Variants in CDH11 observed in about 807,000 individuals in gnomAD.
The protein encoded by CDH11 is cadherin 11.
Under a neutral mutation model 67.8 loss-of-function variants are expected in CDH11, and 11 were observed. That is an observed-to-expected ratio of 0.16 (90% confidence interval 0.10 to 0.27). The LOEUF (loss-of-function observed/expected upper bound fraction) is 0.27. Among genes scored for constraint, CDH11 ranks in the 10% least tolerant of loss-of-function variants. CDH11 has a pLI of 1.00. For synonymous variants in CDH11, 419 were observed against 400.0 expected, an observed-to-expected ratio of 1.05 and a Z score of -0.57; for missense variants, 847 against 1,031.2, an observed-to-expected ratio of 0.82 and a Z score of 2.45.
intron 2 of CDH11, among the ~76,000 whole-genome samples, chr16:65,046,669 T>G (rs1421621705): frequency 2.0e-5 from 3 of 152,226 alleles, no homozygotes; most frequent in Non-Finnish European, 4.4e-5. Flanking sequence ...TAAAATTCAG[T>G]GTCTCCTGAT....
intron 11 of CDH11, among the ~76,000 whole-genome samples, chr16:64,961,439 T>C (rs1335008213): frequency 2.0e-5 from 3 of 152,198 alleles, no homozygotes; most frequent in African/African-American, 7.2e-5. Context: ...TGGCCCATTG[T>C]AAAGCTTGTA....
At chr16:65,115,263 A>G (rs2075223064) in intron 1 of CDH11, among the ~76,000 whole-genome samples, 3 of 152,152 alleles carry the variant, frequency 2.0e-5, no homozygotes. Context: ...TCAAATCCCA[A>G]CTGCCTCTTG....
chr16:64,959,145 C>T (rs2071603317), intron 11 of CDH11, among the ~76,000 whole-genome samples: 1 of 152,130 alleles, frequency 6.6e-6, no homozygotes, highest in African/African-American at 2.4e-5. Context: ...CAATTATTGC[C>T]TTTTGTACTG....
In CDH11 at chr16:64,950,867, G is replaced by T. The variant is rs563299959; in HGVS notation, c.1794C>A (p.Asn598Lys). ...CTGCGTTGCAGGAGAGCAGTGCCCCGTTCACGTCGCACCCGCAGACTTTGA... is the reference window on the plus strand; with the variant it reads ...CTGCGTTGCAGGAGAGCAGTGCCCCTTTCACGTCGCACCCGCAGACTTTGA... ...LTIKVCGCDV[N>K]GALLSCNAEA... Residue 598 changes from asparagine to lysine, a missense_variant, in exon 12 of 13, where the codon AAC (asparagine) becomes AAA (lysine). By Grantham distance (94) the Asn-to-Lys change is moderately conservative. Transcript: ENST00000268603. 6.2e-7 allele frequency: 1 copy of T among 1,614,196 alleles called. No individual in the cohort carries two copies. Among genetic ancestry groups the T allele is most frequent in the Non-Finnish European group, 8.5e-7 (1 of 1,180,028 alleles).
At chr16:65,083,364 G>A (rs1243660414) in intron 1 of CDH11, among the ~76,000 whole-genome samples, 2 of 152,238 alleles carry the variant, frequency 1.3e-5, no homozygotes, top group East Asian at 3.9e-4. Context: ...TATTATGCCT[G>A]ACATGGTAAG....
intron 1 of CDH11, among the ~76,000 whole-genome samples, chr16:65,117,030 G>C (rs961273795): frequency 1.3e-5 from 2 of 152,158 alleles, no homozygotes; most frequent in African/African-American, 4.8e-5. Flanking sequence ...TTTGCCTCCA[G>C]TTCAAACAAT....
chr16:64,993,748 C>T (rs984958055), intron 4 of CDH11, among the ~76,000 whole-genome samples: 12 of 152,198 alleles, frequency 7.9e-5, no homozygotes, highest in African/African-American at 4.8e-5. Context: ...TAAAAACAAC[C>T]TTTGTTCCTG....
chr16:65,033,511 C>G (rs558278390), intron 2 of CDH11, among the ~76,000 whole-genome samples: 1 of 151,878 alleles, frequency 6.6e-6, no homozygotes, highest in Non-Finnish European at 1.5e-5. Context: ...GAGGCTGAGA[C>G]GGGTGGATCA....
intron 3 of CDH11, among the ~76,000 whole-genome samples, 194 bp downstream of exon 3, chr16:65,004,448 A>G (rs1315513949): frequency 6.6e-6 from 1 of 152,214 alleles, no homozygotes; most frequent in Non-Finnish European, 1.5e-5. Context: ...TATTCTCAAC[A>G]TGGATAAGTC....
intron 1 of CDH11, among the ~76,000 whole-genome samples, chr16:65,094,430 CACACACACACAT>C (rs2074848579): frequency 6.6e-6 from 1 of 151,950 alleles, no homozygotes; most frequent in Non-Finnish European, 1.5e-5. Flanking sequence ...GAAAACTACA[CACACACACACAT>C]ACACACACAC....
chr16:65,035,581 G>A (rs76904326), intron 2 of CDH11, among the ~76,000 whole-genome samples: 1,810 of 152,270 alleles, frequency 0.012, 19 homozygotes, highest in Non-Finnish European at 0.019. Context: ...AGGCATAAAT[G>A]CTTTTTGAAT....
intron 2 of CDH11, among the ~76,000 whole-genome samples, chr16:65,052,698 A>G (rs2074078098): frequency 6.6e-6 from 1 of 152,226 alleles, no homozygotes; most frequent in Admixed American, 6.5e-5. Context: ...AACATTGTTC[A>G]GGATATACAT....
At chr16:65,083,934 T>C (rs1478891472) in intron 1 of CDH11, among the ~76,000 whole-genome samples, 1 of 152,184 alleles carries the variant, frequency 6.6e-6, no homozygotes, top group Non-Finnish European at 1.5e-5. Flanking sequence ...GCAATTTTAT[T>C]TTCCAGGAGA....
chr16:64,976,916 G>C (rs2072189700), intron 8 of CDH11, among the ~76,000 whole-genome samples: 1 of 151,530 alleles, frequency 6.6e-6, no homozygotes, highest in African/African-American at 2.4e-5. Context: ...GAATAGACTA[G>C]GTGCAGTGGT....
rs2072099536 is a variant in CDH11, at chr16:64,974,257, G to T, written c.1254-1217C>A. On this transcript the variant is annotated intron_variant, in intron 8 of 12. Coordinates refer to ENST00000268603, the MANE Select transcript of CDH11 (RefSeq NM_001797.4). ...ATAGAAAAGAACAAAAATGGGTTAT[G>T]TTAATTCAGGTAGTACGCTGAGCTT... Among the ~76,000 whole-genome samples, 2 of 152,262 alleles carry T rather than the reference G, an allele frequency of 1.3e-5. 1 individual carries two copies. Among genetic ancestry groups the T allele is most frequent in the Middle Eastern group, 6.8e-3 (2 of 294 alleles).
intron 2 of CDH11, among the ~76,000 whole-genome samples, chr16:65,010,977 A>ATGGG (rs1567526802): frequency 1.6e-5 from 2 of 122,596 alleles, no homozygotes; most frequent in African/African-American, 6.9e-5. Context: ...GTGTTTATAT[A>ATGGG]TATATATATA....
In CDH11 at chr16:65,121,754, G is replaced by C. The variant is rs1036838254; in HGVS notation, c.-298+126C>G. The stretch of plus-strand genomic sequence containing the variant: ...TGCTTTGCGTTAGTGAAGCCTTCTC[G>C]ACTCAGATACCACCGTCCCCCTCAC... On this transcript the variant is annotated intron_variant, in intron 1 of 12. Transcript: ENST00000268603. This position sits in a 1 kb window ranked among gnomAD's most constrained non-coding sequence, Gnocchi z 4.1. The C allele has an allele frequency of 1.2e-5, 8 of 691,140 alleles. No individual in the cohort carries two copies. The Admixed American group carries it at 1.5e-4, about 13-fold the overall frequency. The allele number at this position is 691,140 out of a possible 1,614,324, so 42.8% of individuals were successfully genotyped here.
chr16:65,048,424 C>G (rs1371216883), intron 2 of CDH11, among the ~76,000 whole-genome samples: 1 of 152,124 alleles, frequency 6.6e-6, no homozygotes, highest in Non-Finnish European at 1.5e-5. Context: ...ATCATTATAT[C>G]AAAACGGAAC....
chr16:65,104,404 CTCTT>C (rs1247822969), intron 1 of CDH11, among the ~76,000 whole-genome samples: 1 of 152,188 alleles, frequency 6.6e-6, no homozygotes, highest in East Asian at 1.9e-4. Context: ...CTCTTTGAAT[CTCTT>C]TCTCTCTATA....
Sources: allele counts gnomAD v4.1 joint callset (sites outside exome capture counted in the v4.1 genomes callset), GRCh38; gene constraint gnomAD v4.1.1; non-coding constraint Gnocchi (gnomAD v3.1); transcripts MANE v1.5; gene names NCBI Gene and HGNC (gene_info 2026-07-23, HGNC 2026-07-21).